Variants in KLF12 observed in about 807,000 individuals in gnomAD.
The protein encoded by KLF12 is Krueppel-like factor 12.
KLF12 carries 9 observed loss-of-function variants against 37.8 expected under a neutral mutation model. The observed-to-expected ratio is 0.24, with a 90% CI of 0.14 to 0.42. The LOEUF (loss-of-function observed/expected upper bound fraction) is 0.42, where lower values mean the gene tolerates loss of function less well. Ranked by LOEUF, KLF12 falls within the 10% of genes least tolerant of loss-of-function variation. KLF12 has a pLI of 1.00. For synonymous variants in KLF12, 208 were observed against 202.1 expected (o/e 1.03, Z -0.25); for missense variants, 411 against 516.0 (o/e 0.80, Z 1.97).
the KLF12 span, among the ~76,000 whole-genome samples, chr13:74,191,212 T>A: frequency 2.4e-4 from 37 of 152,204 alleles, no homozygotes; most frequent in Non-Finnish European, 4.4e-4. Context: ...ATATTCTGTT[T>A]CTGAATTAGC....
intron 2 of KLF12, among the ~76,000 whole-genome samples, chr13:73,975,146 C>CT (rs1317805964): frequency 6.6e-6 from 1 of 152,126 alleles, no homozygotes; most frequent in African/African-American, 2.4e-5. Flanking sequence ...TCAAAAGTAA[C>CT]TTTTTTTGTT....
At chr13:74,191,393 A>G in the KLF12 span, among the ~76,000 whole-genome samples, 1 of 152,176 alleles carries the variant, frequency 6.6e-6, no homozygotes. Flanking sequence ...AGCCCTGAAA[A>G]ATCTTTTTAT....
chr13:73,799,054 A>G (rs1882144977), intron 5 of KLF12, among the ~76,000 whole-genome samples: 1 of 152,250 alleles, frequency 6.6e-6, no homozygotes, highest in Non-Finnish European at 1.5e-5. Context: ...AACGTGGCAC[A>G]TATACCCCAT....
the KLF12 span, chr13:74,258,986 C>T: frequency 6.6e-6 from 1 of 152,354 alleles, no homozygotes; most frequent in South Asian, 2.1e-4. Context: ...AGAGTTGTCC[C>T]CCTCTGCTGG....
At chr13:73,853,146 C>T (rs576036797) in intron 3 of KLF12, among the ~76,000 whole-genome samples, 1 of 152,094 alleles carries the variant, frequency 6.6e-6, no homozygotes, top group Non-Finnish European at 1.5e-5. Context: ...GGATTACAGG[C>T]GTGAGCCTAC....
rs553127337 is a variant in KLF12, at chr13:73,818,188, T to C, written c.671-4901A>G. Among the ~76,000 whole-genome samples the C allele has an allele frequency of 1.1e-3, 165 of 152,334 alleles. 2 individuals are homozygous for C. The highest frequency in any genetic ancestry group is 3.5e-3 in the African/African-American group (146 of 41,566). On this transcript the variant is annotated intron_variant, in intron 4 of 7. Coordinates refer to ENST00000377669, the MANE Select transcript of KLF12 (RefSeq NM_007249.5). The stretch of plus-strand genomic sequence containing the variant: ...TCAGATGGAGTCTTACTCTGTCACC[T>C]AGGCTGGAGCGCAATGGCGCGATCT...
chr13:74,164,428 A>G, the KLF12 span, among the ~76,000 whole-genome samples: 1 of 152,204 alleles, frequency 6.6e-6, no homozygotes, highest in Non-Finnish European at 1.5e-5. Flanking sequence ...TTACCCCAGT[A>G]GAAAGTGTTA....
the KLF12 span, among the ~76,000 whole-genome samples, chr13:74,249,333 G>A: frequency 1.7e-5 from 2 of 115,018 alleles, no homozygotes; most frequent in Non-Finnish European, 3.5e-5. Context: ...GAAAGCAGGA[G>A]CATCACACAC....
chr13:73,925,445 G>A (rs544916408), intron 3 of KLF12, among the ~76,000 whole-genome samples: 18 of 152,254 alleles, frequency 1.2e-4, no homozygotes, highest in African/African-American at 2.9e-4. Flanking sequence ...CATGATTTAC[G>A]GAGTATTTTA....
At chr13:74,251,900 G>T in the KLF12 span, among the ~76,000 whole-genome samples, 2 of 152,142 alleles carry the variant, frequency 1.3e-5, no homozygotes, top group Non-Finnish European at 2.9e-5. Context: ...CCAGACCCCA[G>T]TTGCAAGCGG....
the KLF12 span, among the ~76,000 whole-genome samples, chr13:74,167,581 A>G: frequency 2.0e-5 from 3 of 152,238 alleles, no homozygotes; most frequent in African/African-American, 7.2e-5. Flanking sequence ...AGGTATTTCA[A>G]ACATTAAGCC....
At chr13:73,764,580 T>C (rs915253935) in intron 6 of KLF12, among the ~76,000 whole-genome samples, 2 of 152,054 alleles carry the variant, frequency 1.3e-5, no homozygotes, top group Non-Finnish European at 2.9e-5. Flanking sequence ...TCATTAACTG[T>C]GGAAATCTTC....
intron 1 of KLF12, among the ~76,000 whole-genome samples, chr13:74,104,831 G>T (rs1480114458): frequency 6.6e-6 from 1 of 151,900 alleles, no homozygotes; most frequent in Non-Finnish European, 1.5e-5. Context: ...AAATATGGAG[G>T]GCATAGGCTC....
chr13:74,049,617 A>G (rs554483640), intron 1 of KLF12, among the ~76,000 whole-genome samples: 2 of 152,368 alleles, frequency 1.3e-5, no homozygotes, highest in South Asian at 4.1e-4. Context: ...TAAGAAGACA[A>G]AAAGACAATG....
At chr13:73,756,050 G>T (rs1414577663) in intron 6 of KLF12, among the ~76,000 whole-genome samples, 1 of 152,162 alleles carries the variant, frequency 6.6e-6, no homozygotes, top group Non-Finnish European at 1.5e-5. Flanking sequence ...TGCAAACTGT[G>T]AAGCACTTTC....
At chr13:74,245,695 T>C in the KLF12 span, among the ~76,000 whole-genome samples, 5 of 152,196 alleles carry the variant, frequency 3.3e-5, no homozygotes, top group African/African-American at 1.2e-4. Context: ...AATTTGTTGT[T>C]TTATGAACCT....
At chr13:74,193,229 C>G in the KLF12 span, among the ~76,000 whole-genome samples, 1 of 152,150 alleles carries the variant, frequency 6.6e-6, no homozygotes, top group South Asian at 2.1e-4. Flanking sequence ...ATCCACCTTC[C>G]TGGGCCTCCC....
At chr13:74,116,620 T>C (rs965389834) in intron 1 of KLF12, among the ~76,000 whole-genome samples, 1 of 152,186 alleles carries the variant, frequency 6.6e-6, no homozygotes, top group Non-Finnish European at 1.5e-5. Flanking sequence ...TAGCAGAACT[T>C]TTCAGAAAGT....
At chr13:73,904,879 G>T (rs1888202903) in intron 3 of KLF12, among the ~76,000 whole-genome samples, 1 of 150,988 alleles carries the variant, frequency 6.6e-6, no homozygotes, top group South Asian at 2.1e-4. Flanking sequence ...AGAATACACT[G>T]ATCTCAGAAT....
Sources: gnomAD v4.1 joint callset for allele counts (sites outside exome capture counted in the v4.1 genomes callset) on GRCh38, gnomAD v4.1.1 for gene constraint, MANE v1.5 for transcripts, NCBI Gene and HGNC (gene_info 2026-07-23, HGNC 2026-07-21) for gene names.